The following ERICH1 variants were observed in gnomAD, a reference collection of about 807,000 sequenced individuals.
ERICH1 encodes the protein glutamate rich 1, also known as glutamate-rich protein 1.
Under a neutral mutation model 39.6 loss-of-function variants are expected in ERICH1, and 56 were observed. The ratio of observed to expected loss-of-function variants is 1.41; its 90% CI spans 1.14 to 1.77. The LOEUF (loss-of-function observed/expected upper bound fraction) is 1.77, where lower values mean the gene tolerates loss of function less well. ERICH1 is among the 40% of genes most tolerant of loss of function. ERICH1 has a pLI of 0.00. For missense variants in ERICH1, 826 were observed against 575.4 expected, an observed-to-expected ratio of 1.44 and a Z score of -4.45; for synonymous variants, 313 against 223.6, an observed-to-expected ratio of 1.40 and a Z score of -3.57.
intron 5 of ERICH1, chr8:667,593 C>T (rs1320859685): frequency 2.0e-5 from 3 of 153,126 alleles, no homozygotes; most frequent in Non-Finnish European, 4.4e-5. Flanking sequence ...TGCAGGGCAA[C>T]ACAAAGCCAA....
intron 3 of ERICH1, among the ~76,000 whole-genome samples, chr8:636,952 T>C (rs1308746831): frequency 6.6e-6 from 1 of 152,168 alleles, no homozygotes; most frequent in Non-Finnish European, 1.5e-5. Context: ...TTTCCCAGCC[T>C]GCACAGTCCA....
At chr8:638,893 T>A (rs1043760671) in intron 3 of ERICH1, among the ~76,000 whole-genome samples, 9 of 152,134 alleles carry the variant, frequency 5.9e-5, no homozygotes, top group Non-Finnish European at 1.0e-4. Flanking sequence ...GCTGCCTCCG[T>A]GGCCTTGTTC....
intron 2 of ERICH1, among the ~76,000 whole-genome samples, chr8:713,369 T>C (rs1479293452): frequency 3.2e-4 from 49 of 152,262 alleles, no homozygotes; most frequent in Admixed American, 3.2e-3. Flanking sequence ...ATTTACTCCT[T>C]AATTGGAACG....
At chr8:688,814 A>C (rs1808251123) in intron 3 of ERICH1, among the ~76,000 whole-genome samples, 1 of 152,194 alleles carries the variant, frequency 6.6e-6, no homozygotes, top group South Asian at 2.1e-4. Context: ...ATCGATGGGA[A>C]ATCTCTCTCT....
chr8:638,813 C>A (rs1257709090), intron 3 of ERICH1, among the ~76,000 whole-genome samples: 2 of 152,154 alleles, frequency 1.3e-5, no homozygotes, highest in Non-Finnish European at 2.9e-5. Context: ...TTGACCCCGG[C>A]CTGTCGTCAT....
intron 3 of ERICH1, among the ~76,000 whole-genome samples, chr8:628,235 G>T (rs1797712551): frequency 6.6e-6 from 1 of 152,204 alleles, no homozygotes; most frequent in South Asian, 2.1e-4. Context: ...CAGGGCCCCA[G>T]GCAGGCAGAG....
chr8:663,115 G>A (rs1040891265), downstream of ERICH1, among the ~76,000 whole-genome samples: 13 of 152,238 alleles, frequency 8.5e-5, no homozygotes, highest in African/African-American at 3.1e-4. Context: ...GATCCAAGGG[G>A]ACTATTTCCA....
intron 1 of ERICH1, among the ~76,000 whole-genome samples, chr8:721,209 T>C (rs7826157): frequency 0.69 from 104,963 of 152,172 alleles, 36,307 homozygotes; most frequent in Middle Eastern, 0.78. Context: ...ACAAATAATA[T>C]GTCTAAATAT....
intron 1 of ERICH1, among the ~76,000 whole-genome samples, chr8:723,626 G>C (rs1817862156): frequency 6.6e-6 from 1 of 152,196 alleles, no homozygotes; most frequent in Admixed American, 6.5e-5. Context: ...AGCTCTAGCT[G>C]ATCTCTTTTT....
rs759230399 is a variant in ERICH1, at chr8:716,003, A to C, written c.27T>G (p.Phe9Leu). 6.2e-7 allele frequency: 1 copy of C among 1,607,872 alleles called. No homozygotes were observed. The highest frequency in any genetic ancestry group is 1.7e-5 in the Admixed American group (1 of 58,172). Residue 9 changes from phenylalanine to leucine, a missense_variant, in exon 2 of 6, where the codon TTT becomes TTG. Physicochemically the swap from Phe to Leu is conservative, Grantham distance 22. Coordinates refer to ENST00000262109, the MANE Select transcript of ERICH1 (RefSeq NM_207332.3). ...AAAGTCTCTGCAGCACCTTCTCCAC[A>C]AACACTGTACAGACAACCGATTAAA... MAAHRKHV[F>L]VEKVLQRLFP...
At chr8:730,437 G>A (rs1819714454) in intron 1 of ERICH1, among the ~76,000 whole-genome samples, 1 of 152,154 alleles carries the variant, frequency 6.6e-6, no homozygotes, top group Non-Finnish European at 1.5e-5. Context: ...ATTAATCCAA[G>A]TAACACGAGA....
intron 2 of ERICH1, among the ~76,000 whole-genome samples, chr8:699,533 G>T (rs1315866101): frequency 6.6e-6 from 1 of 152,218 alleles, no homozygotes; most frequent in Non-Finnish European, 1.5e-5. Flanking sequence ...ACCCCTCAGG[G>T]TGACGGCGAC....
chr8:617,433 G>A (rs182368075), intron 3 of ERICH1, among the ~76,000 whole-genome samples: 136 of 152,236 alleles, frequency 8.9e-4, no homozygotes, highest in African/African-American at 3.1e-3. Flanking sequence ...TATCCATTTG[G>A]TCCTCATCTG....
At chr8:727,202 A>T (rs1259885945) in intron 1 of ERICH1, among the ~76,000 whole-genome samples, 1 of 152,060 alleles carries the variant, frequency 6.6e-6, no homozygotes, top group Non-Finnish European at 1.5e-5. Flanking sequence ...GCATACACAG[A>T]CACGTGCACA....
At chr8:729,330 T>G (rs1016237014) in intron 1 of ERICH1, among the ~76,000 whole-genome samples, 1 of 152,168 alleles carries the variant, frequency 6.6e-6, no homozygotes, top group Non-Finnish European at 1.5e-5. Context: ...CCCATGACCC[T>G]GAGCTGGACC....
At chr8:621,905 A>G (rs1187505552) in intron 3 of ERICH1, among the ~76,000 whole-genome samples, 1 of 152,250 alleles carries the variant, frequency 6.6e-6, no homozygotes, top group Non-Finnish European at 1.5e-5. Context: ...AAACAATTAG[A>G]GATTAAATAA....
chr8:627,245 G>A, intron 3 of ERICH1: 1 of 456,204 alleles, frequency 2.2e-6, no homozygotes. Flanking sequence ...CCACCTGGAA[G>A]TTGGAGATAA....
chr8:688,933 C>T, intron 3 of ERICH1, among the ~76,000 whole-genome samples: 1 of 152,058 alleles, frequency 6.6e-6, no homozygotes, highest in Non-Finnish European at 1.5e-5. Flanking sequence ...AGTGACTGCA[C>T]AATGAATAAG....
At chr8:633,202 C>G (rs528334207) in intron 3 of ERICH1, among the ~76,000 whole-genome samples, 1 of 152,326 alleles carries the variant, frequency 6.6e-6, no homozygotes, top group South Asian at 2.1e-4. Flanking sequence ...TGTGCACACC[C>G]TATGGCCTGG....
Sources: gnomAD v4.1 joint callset for allele counts (sites outside exome capture counted in the v4.1 genomes callset) on GRCh38, gnomAD v4.1.1 for gene constraint, MANE v1.5 for transcripts, NCBI Gene and HGNC (gene_info 2026-07-23, HGNC 2026-07-21) for gene names.